The following FIG4 variants were observed in gnomAD, a reference collection of about 807,000 sequenced individuals.
FIG4 encodes the protein FIG4 phosphoinositide 5-phosphatase, also known as polyphosphoinositide phosphatase.
Under a neutral mutation model 118.6 loss-of-function variants are expected in FIG4, and 112 were observed. That is an observed-to-expected ratio of 0.94 (90% CI 0.81 to 1.11). The LOEUF (loss-of-function observed/expected upper bound fraction) is 1.11, where lower values mean the gene tolerates loss of function less well. FIG4 is among the 50% of genes least tolerant of loss of function. The pLI is 0.00. For missense variants in FIG4, 969 were observed against 1,111.7 expected (o/e 0.87, Z 1.83); for synonymous variants, 369 against 381.2 (o/e 0.97, Z 0.37).
chr6:109,819,320 C>T (rs1010870145), intron 22 of FIG4, among the ~76,000 whole-genome samples: 2 of 152,198 alleles, frequency 1.3e-5, no homozygotes, highest in African/African-American at 4.8e-5. Context: ...AGAGTGAGGT[C>T]CTTGGGTAGC....
intron 10 of FIG4, among the ~76,000 whole-genome samples, chr6:109,755,763 G>C (rs1026692260): frequency 1.3e-5 from 2 of 152,102 alleles, no homozygotes; most frequent in Admixed American, 6.6e-5. Context: ...TGCAACCCCT[G>C]CCTTTTTTTG....
chr6:109,755,051 C>A (rs1426419263), intron 10 of FIG4, among the ~76,000 whole-genome samples: 1 of 151,898 alleles, frequency 6.6e-6, no homozygotes, highest in Non-Finnish European at 1.5e-5. Context: ...TTGGATCTTT[C>A]CTTCTTTCTC....
chr6:109,691,352 A>G lies in FIG4; in HGVS notation c.-84A>G, dbSNP rs764845399. ...TTGTTCCTGGCTGGACTTGATGTCC[A>G]GGGCCTGAGGGGTTTTCTCGCCGAG... On this transcript the variant is annotated 5_prime_UTR_variant, in exon 1 of 23. Coordinates refer to ENST00000230124, the MANE Select transcript of FIG4 (RefSeq NM_014845.6). The G allele has an allele frequency of 1.8e-4, 195 of 1,100,962 alleles. No homozygotes were observed. The highest frequency in any genetic ancestry group is 2.0e-4 in the Middle Eastern group (1 of 5,112). 68.2% of individuals were successfully genotyped at this position (1,100,962 alleles called of 1,614,324 possible).
intron 10 of FIG4, among the ~76,000 whole-genome samples, chr6:109,749,087 G>GTGTGTGTGTC (rs1776605752): frequency 6.6e-6 from 1 of 151,098 alleles, no homozygotes; most frequent in Admixed American, 6.6e-5. Flanking sequence ...GTGTGTGTGT[G>GTGTGTGTGTC]TGTGTGTGTG....
At chr6:109,724,911 G>A (rs1158573390) in intron 3 of FIG4, among the ~76,000 whole-genome samples, 1 of 151,766 alleles carries the variant, frequency 6.6e-6, no homozygotes, top group East Asian at 1.9e-4. Flanking sequence ...CAGTACAGCA[G>A]TGTTAACTGT....
chr6:109,729,539 C>T (rs1775919256), intron 4 of FIG4, among the ~76,000 whole-genome samples: 1 of 152,080 alleles, frequency 6.6e-6, no homozygotes, highest in Non-Finnish European at 1.5e-5. Flanking sequence ...TGTCATTATG[C>T]AAACAGCATC....
chr6:109,749,416 A>G (rs1776616776), intron 10 of FIG4, among the ~76,000 whole-genome samples: 1 of 152,052 alleles, frequency 6.6e-6, no homozygotes, highest in African/African-American at 2.4e-5. Flanking sequence ...AATTTAAAAT[A>G]TGAAAACTTT....
At chr6:109,749,858 A>G (rs890841273) in intron 10 of FIG4, among the ~76,000 whole-genome samples, 1 of 152,232 alleles carries the variant, frequency 6.6e-6, no homozygotes, top group Admixed American at 6.5e-5. Flanking sequence ...TTCTATTGCA[A>G]TAAAAATCCT....
intron 22 of FIG4, among the ~76,000 whole-genome samples, chr6:109,807,300 T>G (rs1778593383): frequency 6.6e-6 from 1 of 152,242 alleles, no homozygotes; most frequent in Non-Finnish European, 1.5e-5. Context: ...ATGATCACCA[T>G]TCTAACTGGC....
intron 22 of FIG4, among the ~76,000 whole-genome samples, chr6:109,817,618 A>G (rs1467088653): frequency 1.3e-5 from 2 of 152,126 alleles, no homozygotes; most frequent in African/African-American, 2.4e-5. Flanking sequence ...CCAACATGAA[A>G]TATCAATGGC....
intron 1 of FIG4, among the ~76,000 whole-genome samples, chr6:109,703,459 T>G (rs1310768589): frequency 6.6e-6 from 1 of 152,248 alleles, no homozygotes; most frequent in Non-Finnish European, 1.5e-5. Context: ...ATTGCCAGTT[T>G]AGGAGTCAGC....
intron 1 of FIG4, among the ~76,000 whole-genome samples, chr6:109,700,220 C>T (rs1007283943): frequency 6.6e-6 from 1 of 152,028 alleles, no homozygotes; most frequent in African/African-American, 2.4e-5. Context: ...TAATTTTTTT[C>T]TAATATAAAA....
In FIG4 at chr6:109,821,507, A is replaced by G. The variant is rs74906032; in HGVS notation, c.2547-3581A>G. On this transcript the variant is annotated intron_variant, in intron 22 of 22. Coordinates refer to ENST00000230124, the MANE Select transcript of FIG4 (RefSeq NM_014845.6). The stretch of plus-strand genomic sequence containing the variant: ...TAAAACAGAAACATACTATTTCAAA[A>G]TGAACTAAAATACAAAGCTTTAAAA... 7.0e-4 allele frequency among the ~76,000 whole-genome samples: 107 copies of G among 152,354 alleles called. 1 individual carries two copies. The East Asian group carries it at 0.019, about 27-fold the overall frequency.
intron 21 of FIG4, 47 bp from the exon 22 acceptor site, chr6:109,796,718 G>T: frequency 1.9e-6 from 2 of 1,075,010 alleles, no homozygotes; most frequent in Non-Finnish European, 2.9e-6. Flanking sequence ...TGAATTAATT[G>T]CAAGTACTCC....
chr6:109,767,313 T>C (rs1777309459), intron 15 of FIG4, among the ~76,000 whole-genome samples: 1 of 152,226 alleles, frequency 6.6e-6, no homozygotes, highest in South Asian at 2.1e-4. Context: ...AATTGTGATA[T>C]TAGCACTAAA....
intron 10 of FIG4, among the ~76,000 whole-genome samples, chr6:109,757,751 C>T (rs151014312): frequency 3.3e-5 from 5 of 152,300 alleles, no homozygotes; most frequent in Non-Finnish European, 7.3e-5. Context: ...AGCTGATAAG[C>T]AACTTCAGCA....
At chr6:109,743,088 T>G (rs1776374689) in intron 8 of FIG4, 22 bp from the exon 9 acceptor site, 1 of 1,601,878 alleles carries the variant, frequency 6.2e-7, no homozygotes, top group Non-Finnish European at 8.6e-7. Context: ...TAAAATATTT[T>G]TCAATGCACC....
chr6:109,710,958 CGT>C (rs1340079033), intron 1 of FIG4, among the ~76,000 whole-genome samples: 1 of 150,072 alleles, frequency 6.7e-6, no homozygotes, highest in East Asian at 1.9e-4. Flanking sequence ...AATGGTTTTT[CGT>C]GTCTCAGTCT....
intron 6 of FIG4, among the ~76,000 whole-genome samples, chr6:109,738,047 T>G (rs1776211756): frequency 6.6e-6 from 1 of 152,176 alleles, no homozygotes; most frequent in Non-Finnish European, 1.5e-5. Flanking sequence ...AATTTCCTTG[T>G]CATTTTCTTT....
Sources: gnomAD v4.1 joint callset for allele counts (sites outside exome capture counted in the v4.1 genomes callset) on GRCh38, gnomAD v4.1.1 for gene constraint, MANE v1.5 for transcripts, NCBI Gene and HGNC (gene_info 2026-07-23, HGNC 2026-07-21) for gene names.